SMAD3: variants seen among roughly 807,000 people sequenced by gnomAD.
The protein encoded by SMAD3 is MAD homolog 3.
SMAD3 carries 12 observed loss-of-function variants against 51.8 expected under a neutral mutation model. The observed-to-expected ratio is 0.23, with a 90% CI of 0.15 to 0.38. The LOEUF is 0.38. Among genes scored for constraint, SMAD3 ranks in the 10% least tolerant of loss-of-function variants. The pLI, the probability that SMAD3 is intolerant of heterozygous loss-of-function variation, is 1.00. For missense variants in SMAD3, 294 were observed against 565.6 expected (o/e 0.52, Z 4.87); for synonymous variants, 238 against 227.7 (o/e 1.05, Z -0.41).
At chr15:67,102,151 G>C (rs560366899) in intron 1 of SMAD3, among the ~76,000 whole-genome samples, 1 of 152,124 alleles carries the variant, frequency 6.6e-6, no homozygotes, top group East Asian at 1.9e-4. Flanking sequence ...CCTGGAAGGC[G>C]AGCTTGTTCA....
At chr15:67,183,686 C>G (rs571101808) in intron 6 of SMAD3, among the ~76,000 whole-genome samples, 86 of 152,278 alleles carry the variant, frequency 5.6e-4, no homozygotes, top group African/African-American at 2.0e-3. Flanking sequence ...AGAGACTTTG[C>G]CATGCAGGAG....
chr15:67,083,608 C>T (rs747006980), intron 1 of SMAD3, among the ~76,000 whole-genome samples: 1 of 152,186 alleles, frequency 6.6e-6, no homozygotes, highest in Non-Finnish European at 1.5e-5. Context: ...AATTGCAGTT[C>T]AAACTACTTC....
chr15:67,096,768 G>A (rs1264853445), intron 1 of SMAD3, among the ~76,000 whole-genome samples: 1 of 152,128 alleles, frequency 6.6e-6, no homozygotes, highest in Non-Finnish European at 1.5e-5. Flanking sequence ...TGCACGTGCA[G>A]CCTCTAGATC....
chr15:67,094,177 A>T (rs757093110), intron 1 of SMAD3, among the ~76,000 whole-genome samples: 1 of 152,198 alleles, frequency 6.6e-6, no homozygotes, highest in Non-Finnish European at 1.5e-5. Flanking sequence ...CCAGGAAGTC[A>T]GCCTGCACCT....
intron 8 of SMAD3, 109 bp downstream of exon 8, chr15:67,187,618 G>A (rs907699781): frequency 1.6e-5 from 23 of 1,396,578 alleles, no homozygotes; most frequent in African/African-American, 4.2e-5. Context: ...AGCGTCAAGA[G>A]CAGAAAGACC....
rs552626399 is a variant in SMAD3, at chr15:67,193,356, A to G, written c.*2820A>G. 2.5e-4 allele frequency: 58 copies of G among 233,516 alleles called. 1 individual carries two copies. The highest frequency in any genetic ancestry group is 1.2e-3 in the African/African-American group (53 of 45,452). 14.5% of individuals were successfully genotyped at this position (233,516 alleles called of 1,614,324 possible). On this transcript the variant is annotated 3_prime_UTR_variant, in exon 9 of 9. Transcript: ENST00000327367. Reference sequence around the variant, plus strand: ...TGCAGCTTGTGCTGAGACTGACCCAAGTGCAGCTAGCACTGGGACACAGAT... The same window carrying G: ...TGCAGCTTGTGCTGAGACTGACCCAGGTGCAGCTAGCACTGGGACACAGAT...
chr15:67,157,166 C>T (rs1018696550), intron 1 of SMAD3, among the ~76,000 whole-genome samples: 1 of 152,146 alleles, frequency 6.6e-6, no homozygotes. Context: ...CTAGAAAGTT[C>T]GGTATTAAGA....
Position 67,164,891 on chromosome 15 carries a change from G to A in SMAD3, c.207-4G>A, listed in dbSNP as rs1319147414. The A allele has an allele frequency of 2.0e-5, 32 of 1,612,582 alleles. No individual in the cohort carries two copies. Among genetic ancestry groups the A allele is most frequent in the African/African-American group, 2.7e-5 (2 of 74,896 alleles). ...TCTCTTTCTGCCCCTCCCCGTCCTGGCAGGTCCCTGGATGGCCGGTTGCAG... is the reference window on the plus strand; with the variant it reads ...TCTCTTTCTGCCCCTCCCCGTCCTGACAGGTCCCTGGATGGCCGGTTGCAG... On this transcript the variant is annotated splice_polypyrimidine_tract_variant and splice_region_variant and intron_variant, in intron 1 of 8. Coordinates refer to ENST00000327367, the MANE Select transcript of SMAD3 (RefSeq NM_005902.4).
At chr15:67,188,867 C>T (rs1963290649) in intron 8 of SMAD3, among the ~76,000 whole-genome samples, 1 of 152,236 alleles carries the variant, frequency 6.6e-6, no homozygotes, top group African/African-American at 2.4e-5. Context: ...CTGTAAAATC[C>T]TCCTCTTCCA....
At chr15:67,183,245 C>T (rs1409344136) in intron 6 of SMAD3, among the ~76,000 whole-genome samples, 5 of 151,316 alleles carry the variant, frequency 3.3e-5, no homozygotes, top group African/African-American at 9.7e-5. Flanking sequence ...GGATTCACCA[C>T]GTTGGCCAGG....
At chr15:67,177,923 A>T (rs897839608) in intron 5 of SMAD3, among the ~76,000 whole-genome samples, 3 of 152,142 alleles carry the variant, frequency 2.0e-5, no homozygotes, top group African/African-American at 7.2e-5. Context: ...TAGAAAGCGC[A>T]TGGCTGGGGT....
chr15:67,081,582 A>G (rs553351455), intron 1 of SMAD3, among the ~76,000 whole-genome samples: 14 of 152,366 alleles, frequency 9.2e-5, no homozygotes, highest in Admixed American at 2.0e-4. Flanking sequence ...GGCTAGAAGC[A>G]GGAAAGTCAG....
intron 1 of SMAD3, among the ~76,000 whole-genome samples, chr15:67,111,788 TTTTG>T (rs1215910344): frequency 1.3e-5 from 2 of 152,204 alleles, no homozygotes; most frequent in Non-Finnish European, 2.9e-5. Context: ...CATTTGTGTT[TTTTG>T]TTTGTTTGTT....
Position 67,190,578 on chromosome 15 carries a change from G to C in SMAD3, c.*42G>C, listed in dbSNP as rs746421127. On this transcript the variant is annotated 3_prime_UTR_variant, in exon 9 of 9. Coordinates refer to ENST00000327367, the MANE Select transcript of SMAD3 (RefSeq NM_005902.4). Reference sequence around the variant, plus strand: ...AGGGGAGGGCAGGCTTGGGGAAAATGGCCATGCAGGAGGTGGAGAAAATTG... The same window carrying C: ...AGGGGAGGGCAGGCTTGGGGAAAATCGCCATGCAGGAGGTGGAGAAAATTG... The C allele has an allele frequency of 3.7e-6, 6 of 1,606,000 alleles. No individual in the cohort carries two copies. The highest frequency in any genetic ancestry group is 5.1e-6 in the Non-Finnish European group (6 of 1,173,424).
At chr15:67,138,123 T>C (rs1961714242) in intron 1 of SMAD3, 2 of 1,535,254 alleles carry the variant, frequency 1.3e-6, no homozygotes, top group African/African-American at 1.4e-5. Flanking sequence ...TGCCGGGACA[T>C]GTCTTTTCTC....
At chr15:67,123,376 G>A (rs545573826) in intron 1 of SMAD3, among the ~76,000 whole-genome samples, 13 of 152,236 alleles carry the variant, frequency 8.5e-5, no homozygotes, top group African/African-American at 2.4e-4. Flanking sequence ...GCACACGCCC[G>A]TAATCCCAGC....
chr15:67,154,354 A>G (rs1962226342), intron 1 of SMAD3, among the ~76,000 whole-genome samples: 1 of 152,236 alleles, frequency 6.6e-6, no homozygotes, highest in African/African-American at 2.4e-5. Flanking sequence ...AGTGACTGGT[A>G]TCAAGGGTTA....
At chr15:67,141,430 T>C (rs550854541) in intron 1 of SMAD3, among the ~76,000 whole-genome samples, 76 of 152,222 alleles carry the variant, frequency 5.0e-4, no homozygotes, top group African/African-American at 1.8e-3. Context: ...GGGGGAATGT[T>C]GGGGAAAGAC....
intron 1 of SMAD3, among the ~76,000 whole-genome samples, chr15:67,163,522 C>A (rs767289063): frequency 6.6e-6 from 1 of 152,190 alleles, no homozygotes; most frequent in Non-Finnish European, 1.5e-5. Context: ...ATGCTTTTGC[C>A]GCCCCAAGCT....
Sources: gnomAD v4.1 joint callset for allele counts (sites outside exome capture counted in the v4.1 genomes callset) on GRCh38, gnomAD v4.1.1 for gene constraint, MANE v1.5 for transcripts, NCBI Gene and HGNC (gene_info 2026-07-23, HGNC 2026-07-21) for gene names.